The following ZMYM5 variants were observed in gnomAD, a reference collection of about 807,000 sequenced individuals.
The protein encoded by ZMYM5 is zinc finger MYM-type containing 5.
Under a neutral mutation model 61.8 loss-of-function variants are expected in ZMYM5, and 41 were observed. That is an observed-to-expected ratio of 0.66 (90% CI 0.52 to 0.86). The LOEUF (loss-of-function observed/expected upper bound fraction) is 0.86. ZMYM5 is among the 40% of genes least tolerant of loss of function. ZMYM5 has a pLI of 0.00. For synonymous variants in ZMYM5, 257 were observed against 276.4 expected, an observed-to-expected ratio of 0.93 and a Z score of 0.70; for missense variants, 706 against 786.7, an observed-to-expected ratio of 0.90 and a Z score of 1.23.
intron 4 of ZMYM5, 143 bp downstream of exon 4, chr13:19,851,210 ACT>A: frequency 1.3e-6 from 1 of 761,126 alleles, no homozygotes; most frequent in South Asian, 1.8e-5. Flanking sequence ...GAAGAGCGAA[ACT>A]CGGTCTCCAA....
At chr13:19,855,981 A>G (rs1337211447) in intron 2 of ZMYM5, among the ~76,000 whole-genome samples, 3 of 151,842 alleles carry the variant, frequency 2.0e-5, no homozygotes. Flanking sequence ...GCGCCACTGC[A>G]CACTCCAGCC....
rs552594051 is a variant in ZMYM5 at position 19,853,578 on chromosome 13, C to T, written c.-10-1388G>A. 5.1e-4 allele frequency among the ~76,000 whole-genome samples: 78 copies of T among 151,818 alleles called. 1 individual carries two copies. The highest frequency in any genetic ancestry group is 1.8e-3 in the African/African-American group (76 of 41,378). Reference sequence around the variant, plus strand: ...AAAGTGCTGGGATTACAGGAATGAGCCACCACAACAGGCGTGGCCTCAGTT... The same window carrying T: ...AAAGTGCTGGGATTACAGGAATGAGTCACCACAACAGGCGTGGCCTCAGTT... On this transcript the variant is annotated intron_variant, in intron 2 of 7. Transcript: ENST00000337963.
intron 4 of ZMYM5, among the ~76,000 whole-genome samples, chr13:19,848,107 A>G (rs1429662217): frequency 6.6e-6 from 1 of 151,882 alleles, no homozygotes; most frequent in Non-Finnish European, 1.5e-5. Context: ...AGTAGCTGTG[A>G]CTGCAGGAGC....
At chr13:19,862,142 C>A (rs1022428699) in intron 2 of ZMYM5, among the ~76,000 whole-genome samples, 1 of 152,070 alleles carries the variant, frequency 6.6e-6, no homozygotes, top group African/African-American at 2.4e-5. Context: ...TTGTTAAATT[C>A]AAGGCACTTA....
intron 6 of ZMYM5, among the ~76,000 whole-genome samples, chr13:19,836,190 A>G (rs922817200): frequency 4.6e-5 from 7 of 152,198 alleles, no homozygotes; most frequent in Non-Finnish European, 7.3e-5. Flanking sequence ...TGATTTCACA[A>G]AAGAGGACAA....
intron 7 of ZMYM5, among the ~76,000 whole-genome samples, chr13:19,829,226 A>G (rs1891081272): frequency 6.6e-6 from 1 of 152,200 alleles, no homozygotes; most frequent in Non-Finnish European, 1.5e-5. Context: ...CCTTTACCAG[A>G]AGCTAACCAC....
intron 1 of ZMYM5, among the ~76,000 whole-genome samples, chr13:19,863,028 G>A (rs540023497): frequency 6.6e-6 from 1 of 152,360 alleles, no homozygotes; most frequent in South Asian, 2.1e-4. Context: ...AGAAGCCCTC[G>A]CCCGAAAAAC....
chr13:19,842,685 C>T (rs571927114), intron 4 of ZMYM5, among the ~76,000 whole-genome samples: 180 of 148,508 alleles, frequency 1.2e-3, no homozygotes, highest in Non-Finnish European at 1.5e-3. Context: ...CTTGGCTGGG[C>T]GCAGTGGCTC....
intron 1 of ZMYM5, among the ~76,000 whole-genome samples, chr13:19,863,185 G>A (rs1953840513): frequency 6.8e-6 from 1 of 146,840 alleles, no homozygotes; most frequent in African/African-American, 2.5e-5. Flanking sequence ...CCGGGCGGCC[G>A]GCAACCCGCC....
At chr13:19,841,824 T>G (rs1952888820) in intron 4 of ZMYM5, 2 of 152,156 alleles carry the variant, frequency 1.3e-5, no homozygotes, top group South Asian at 4.1e-4. Context: ...CCTATTTTTT[T>G]TTTCTTTTTT....
intron 2 of ZMYM5, among the ~76,000 whole-genome samples, chr13:19,860,511 C>G (rs1468197731): frequency 6.7e-6 from 1 of 148,512 alleles, no homozygotes; most frequent in African/African-American, 2.5e-5. Flanking sequence ...CCATGTTGGT[C>G]AGGCTGGTCT....
chr13:19,824,223 A>AT lies in ZMYM5; in HGVS notation c.*253dup, dbSNP rs1280193411. ...AGGTGTAAATTGATAGATTTTGAAG[A>AT]TTAACAATTACCTATTGTTAATCTT... is the stretch of plus-strand genomic sequence containing the variant. On this transcript the variant is annotated 3_prime_UTR_variant, in exon 8 of 8. Coordinates refer to ENST00000337963, the MANE Select transcript of ZMYM5 (RefSeq NM_001142684.2). The AT allele has an allele frequency of 6.1e-6, 1 of 164,998 alleles. No individual in the cohort carries two copies. The highest frequency in any genetic ancestry group is 2.4e-5 in the African/African-American group (1 of 41,592). The allele number at this position is 164,998 out of a possible 1,614,324, so 10.2% of individuals were successfully genotyped here. A position where few individuals can be genotyped will look rare whatever the true frequency, so the allele number is the denominator to read the frequency against.
chr13:19,862,224 G>A (rs948540816), intron 2 of ZMYM5, among the ~76,000 whole-genome samples, 175 bp downstream of exon 2: 31 of 152,110 alleles, frequency 2.0e-4, no homozygotes, highest in African/African-American at 5.3e-4. Context: ...AGCACTCCCC[G>A]TGCCTTCCCA....
intron 4 of ZMYM5, among the ~76,000 whole-genome samples, chr13:19,849,078 A>G (rs1163094752): frequency 6.6e-6 from 1 of 152,168 alleles, no homozygotes. Flanking sequence ...AAAAAAATAC[A>G]TAGGGGAATG....
intron 6 of ZMYM5, chr13:19,837,336 A>T: frequency 9.0e-7 from 1 of 1,110,234 alleles, no homozygotes; most frequent in Non-Finnish European, 1.2e-6. Flanking sequence ...GTAGTTTTCC[A>T]GCCCTTGACC....
intron 4 of ZMYM5, among the ~76,000 whole-genome samples, chr13:19,839,205 T>C (rs149233419): frequency 4.9e-4 from 75 of 152,236 alleles, no homozygotes; most frequent in African/African-American, 1.6e-3. Flanking sequence ...AAAGTAAATG[T>C]TGGCGTCTGG....
chr13:19,835,623 A>G lies in ZMYM5; in HGVS notation c.1105T>C (p.Tyr369His), dbSNP rs923960123. 2 of 1,367,550 alleles carry G rather than the reference A, an allele frequency of 1.5e-6. No individual in the cohort carries two copies. Among genetic ancestry groups the G allele is most frequent in the Non-Finnish European group, 2.0e-6 (2 of 1,021,854 alleles). The allele number at this position is 1,367,550 out of a possible 1,614,324, so 84.7% of individuals were successfully genotyped here. The change falls in exon 7 of 8, where the codon TAC (tyrosine) becomes CAC (histidine). Residue 369 changes from tyrosine to histidine, a missense_variant. Around this residue, in one of 2 missense-constraint regions of ZMYM5, gnomAD observed 480 missense variants for 461.7 expected, o/e 1.04. Transcript: ENST00000337963. ...ATTATTAGACCATTGGCCAATCTGT[A>G]CTTATTAAAGCAATGGTTACTGCAC... is the stretch of plus-strand genomic sequence containing the variant. Reference protein sequence around the residue: ...KLCSNHCFNKYRLANGLIMNC... With the variant: ...KLCSNHCFNKHRLANGLIMNC...
At chr13:19,849,148 A>AGGTC (rs1168244434) in intron 4 of ZMYM5, among the ~76,000 whole-genome samples, 1 of 152,100 alleles carries the variant, frequency 6.6e-6, no homozygotes, top group Non-Finnish European at 1.5e-5. Context: ...TTTTAGAGAC[A>AGGTC]GAGTCCCACT....
chr13:19,842,718 G>C (rs1479041250), intron 4 of ZMYM5, among the ~76,000 whole-genome samples: 1 of 150,252 alleles, frequency 6.7e-6, no homozygotes, highest in Non-Finnish European at 1.5e-5. Flanking sequence ...CCAACACTTT[G>C]GGAGGCCAAG....
Sources: gnomAD v4.1 joint callset for allele counts (sites outside exome capture counted in the v4.1 genomes callset) on GRCh38, gnomAD v4.1.1 for gene constraint, gnomAD v4.1.1 regional missense constraint, MANE v1.5 for transcripts, NCBI Gene and HGNC (gene_info 2026-07-23, HGNC 2026-07-21) for gene names.